The following TNFRSF11A variants were observed in gnomAD, a reference collection of about 807,000 sequenced individuals.
TNFRSF11A encodes tumor necrosis factor receptor superfamily member 11A.
A neutral mutation model predicts 55.7 loss-of-function variants in TNFRSF11A; 32 were observed. That is an observed-to-expected ratio of 0.57 (90% confidence interval 0.43 to 0.77). The LOEUF is 0.77. Ranked by LOEUF, TNFRSF11A falls within the 30% of genes least tolerant of loss-of-function variation. The pLI, the probability that TNFRSF11A is intolerant of heterozygous loss-of-function variation, is 0.00. For synonymous variants in TNFRSF11A, 311 were observed against 331.0 expected (o/e 0.94, Z 0.65); for missense variants, 753 against 809.8 (o/e 0.93, Z 0.85).
intron 1 of TNFRSF11A, among the ~76,000 whole-genome samples, chr18:62,330,492 G>A (rs926736481): frequency 6.6e-6 from 1 of 152,178 alleles, no homozygotes; most frequent in African/African-American, 2.4e-5. Context: ...GGGGTGTGGG[G>A]AGAGAGGAAG....
At chr18:62,348,034 G>C in intron 1 of TNFRSF11A, 134 bp from the exon 2 acceptor site, 1 of 732,348 alleles carries the variant, frequency 1.4e-6, no homozygotes, top group Non-Finnish European at 2.4e-6. Context: ...ACTCCAGCCT[G>C]GGCAACAAGA....
Position 62,362,191 on chromosome 18 carries a change from C to A in TNFRSF11A, c.730+398C>A, listed in dbSNP as rs1321920522. ...GGGGGAATTTCTGACTGGAGTGTTA[C>A]TTTGAAATAAGAACCTTCGGTGGGT... On this transcript the variant is annotated intron_variant, in intron 7 of 9. Coordinates refer to ENST00000586569, the MANE Select transcript of TNFRSF11A (RefSeq NM_003839.4). Among the ~76,000 whole-genome samples, 5 of 151,990 alleles carry A rather than the reference C, an allele frequency of 3.3e-5. No homozygotes were observed. In the East Asian group the frequency reaches 9.6e-4, roughly 29 times the overall value.
At chr18:62,332,543 A>G (rs2046170345) in intron 1 of TNFRSF11A, among the ~76,000 whole-genome samples, 1 of 152,150 alleles carries the variant, frequency 6.6e-6, no homozygotes, top group African/African-American at 2.4e-5. Context: ...CTTCCCTCTA[A>G]CAGACCTAAA....
In TNFRSF11A at chr18:62,385,295, A is replaced by G. The variant is rs1055958669; in HGVS notation, c.*261A>G. 6 of 380,996 alleles carry G rather than the reference A, an allele frequency of 1.6e-5. No individual in the cohort carries two copies. The highest frequency in any genetic ancestry group is 2.3e-5 in the Non-Finnish European group (5 of 217,076). 23.6% of individuals were successfully genotyped at this position (380,996 alleles called of 1,614,324 possible). ...CCCTGCCACTCCTCAAACTCGCAGC[A>G]GTAATTTGTGGCACTATGACAGCTA... On this transcript the variant is annotated 3_prime_UTR_variant, in exon 10 of 10. Coordinates refer to ENST00000586569, the MANE Select transcript of TNFRSF11A (RefSeq NM_003839.4).
intron 1 of TNFRSF11A, among the ~76,000 whole-genome samples, chr18:62,335,200 C>T (rs968831994): frequency 4.6e-5 from 7 of 150,998 alleles, no homozygotes; most frequent in South Asian, 2.1e-4. Flanking sequence ...CCTCGCTTCT[C>T]GGGTTCAAGC....
intron 7 of TNFRSF11A, 91 bp downstream of exon 7, chr18:62,361,884 T>C (rs1909716529): frequency 1.8e-6 from 2 of 1,142,200 alleles, no homozygotes; most frequent in Admixed American, 1.7e-5. Context: ...GTCTACTTGC[T>C]GCCTATGGTG....
intron 9 of TNFRSF11A, among the ~76,000 whole-genome samples, chr18:62,379,337 C>T (rs913245539): frequency 1.3e-5 from 2 of 152,242 alleles, no homozygotes; most frequent in Non-Finnish European, 2.9e-5. Flanking sequence ...CTCTGGAATA[C>T]CCAGACCCTT....
chr18:62,384,655 G>A lies in TNFRSF11A; in HGVS notation c.1568-96G>A, dbSNP rs11878130. On this transcript the variant is annotated intron_variant, in intron 9 of 9. Coordinates refer to ENST00000586569, the MANE Select transcript of TNFRSF11A (RefSeq NM_003839.4). ...GTGGCCCCGGGCTGTGGGAATCCGGGGAGCCGCCCTCCACTCCCCGGAACC... is the reference window on the plus strand; with the variant it reads ...GTGGCCCCGGGCTGTGGGAATCCGGAGAGCCGCCCTCCACTCCCCGGAACC... 0.071 allele frequency: 103,697 copies of A among 1,466,396 alleles called. 5,400 individuals carry two copies. Among genetic ancestry groups the A allele is most frequent in the African/African-American group, 0.26 (18,492 of 71,320 alleles). 90.8% of individuals were successfully genotyped at this position (1,466,396 alleles called of 1,614,324 possible).
chr18:62,325,560 T>A lies in TNFRSF11A; in HGVS notation c.75+133T>A. 2.4e-6 allele frequency: 1 copy of A among 415,320 alleles called. No individual in the cohort carries two copies. Among genetic ancestry groups the A allele is most frequent in the Non-Finnish European group, 3.3e-6 (1 of 302,470 alleles). 25.7% of individuals were successfully genotyped at this position (415,320 alleles called of 1,614,324 possible). A position where few individuals can be genotyped will look rare whatever the true frequency, so the allele number is the denominator to read the frequency against. ...CCGGAGTTTTGGGGAGCGGAGGCCG[T>A]GGGAAGCTGGGGAGGCGCTTCCAGA... On this transcript the variant is annotated intron_variant, in intron 1 of 9. Transcript: ENST00000586569. The surrounding 1 kb of genome is among the most constrained non-coding windows in gnomAD (Gnocchi z 4.7).
chr18:62,376,918 C>CT (rs1213961498), intron 9 of TNFRSF11A, among the ~76,000 whole-genome samples: 2 of 152,102 alleles, frequency 1.3e-5, no homozygotes, highest in South Asian at 4.2e-4. Context: ...TAGCTCTTTT[C>CT]TTTTTTTATT....
chr18:62,345,364 A>G (rs2046368019), intron 1 of TNFRSF11A, among the ~76,000 whole-genome samples: 1 of 152,216 alleles, frequency 6.6e-6, no homozygotes, highest in African/African-American at 2.4e-5. Context: ...TTACTTAAAA[A>G]TATGTACTTA....
chr18:62,385,361 T>C lies in TNFRSF11A; in HGVS notation c.*327T>C. ...TGTTCTGTGGGGGGGGGGGTCTGTTTTCCCCCCATATTTGTATTCCTTTTC... is the reference window on the plus strand; with the variant it reads ...TGTTCTGTGGGGGGGGGGGTCTGTTCTCCCCCCATATTTGTATTCCTTTTC... On this transcript the variant is annotated 3_prime_UTR_variant, in exon 10 of 10. Transcript: ENST00000586569. 4.0e-6 allele frequency: 1 copy of C among 250,820 alleles called. No homozygotes were observed. The allele number at this position is 250,820 out of a possible 1,614,324, so 15.5% of individuals were successfully genotyped here.
chr18:62,349,843 C>A lies in TNFRSF11A; in HGVS notation c.189C>A (p.Thr63=). 6.2e-7 allele frequency: 1 copy of A among 1,614,094 alleles called. No individual in the cohort carries two copies. Among genetic ancestry groups the A allele is most frequent in the South Asian group, 1.1e-5 (1 of 91,082 alleles). The change falls in exon 3 of 10, where the codon ACC becomes ACA. Residue 63 remains threonine (T), a synonymous_variant. Transcript: ENST00000586569. The part of the protein sequence containing the change: ...GKYMSSKCTT[T]SDSVCLPCGP... ...ACATGTCTTCTAAATGCACTACTAC[C>A]TCTGACAGTGTATGTCTGCCCTGTG...
At position 62,325,695 on chromosome 18, in the gene TNFRSF11A, A is replaced by G. The variant is rs1359426566; in HGVS notation, c.75+268A>G. Among the ~76,000 whole-genome samples, 1 of 152,200 alleles carries G rather than the reference A, an allele frequency of 6.6e-6. No homozygotes were observed. The highest frequency in any genetic ancestry group is 1.5e-5 in the Non-Finnish European group (1 of 68,036). ...ACGGGCTCTTCCAAAAGCCCCTCTTAGCCGCAGGCTTTGATGCTGTCATTT... is the reference window on the plus strand; with the variant it reads ...ACGGGCTCTTCCAAAAGCCCCTCTTGGCCGCAGGCTTTGATGCTGTCATTT... On this transcript the variant is annotated intron_variant, in intron 1 of 9. Transcript: ENST00000586569. The surrounding 1 kb of genome is among the most constrained non-coding windows in gnomAD (Gnocchi z 4.7).
Position 62,333,452 on chromosome 18 carries a change from T to C in TNFRSF11A, c.75+8025T>C, listed in dbSNP as rs546047706. 6.5e-4 allele frequency among the ~76,000 whole-genome samples: 99 copies of C among 152,352 alleles called. 1 individual carries two copies. Among genetic ancestry groups the C allele is most frequent in the South Asian group, 5.8e-3 (28 of 4,828 alleles). ...CCATGAAAAGGTTTGCACTCAGCTC[T>C]GACAATATTAGAAGATTAATATATT... On this transcript the variant is annotated intron_variant, in intron 1 of 9. Coordinates refer to ENST00000586569, the MANE Select transcript of TNFRSF11A (RefSeq NM_003839.4).
intron 9 of TNFRSF11A, among the ~76,000 whole-genome samples, chr18:62,375,955 C>T (rs1309527624): frequency 1.3e-5 from 2 of 152,218 alleles, no homozygotes; most frequent in African/African-American, 2.4e-5. Flanking sequence ...AACCTTAAAC[C>T]ACCGCACTGT....
rs114906525 is a variant in TNFRSF11A at position 62,383,344 on chromosome 18, A to G, written c.1568-1407A>G. Among the ~76,000 whole-genome samples the G allele has an allele frequency of 7.8e-3, 1,186 of 152,334 alleles. 11 individuals carry two copies. The highest frequency in any genetic ancestry group is 0.027 in the African/African-American group (1,133 of 41,572). ...GGAAGGCTCCTCAAAGGAATTTCCT[A>G]CATGCGTATCGGTATTTTAGTCAGG... On this transcript the variant is annotated intron_variant, in intron 9 of 9. Transcript: ENST00000586569. The surrounding 1 kb of genome is among the most constrained non-coding windows in gnomAD (Gnocchi z 4.2).
In TNFRSF11A at chr18:62,387,667, A is replaced by G. The variant is rs1229610274; in HGVS notation, c.*2633A>G. ...TACCCAGTGAAAGAGCTGAAATGGA[A>G]ATGGAGTATCATGTTTCCTACTCAC... On this transcript the variant is annotated 3_prime_UTR_variant, in exon 10 of 10. Transcript: ENST00000586569. 6.6e-6 allele frequency: 1 copy of G among 152,226 alleles called. No individual in the cohort carries two copies. Among genetic ancestry groups the G allele is most frequent in the African/African-American group, 2.4e-5 (1 of 41,460 alleles). The allele number at this position is 152,226 out of a possible 1,614,324, so 9.4% of individuals were successfully genotyped here.
In TNFRSF11A at chr18:62,325,959, C is replaced by T. The variant is rs1421372940; in HGVS notation, c.75+532C>T. On this transcript the variant is annotated intron_variant, in intron 1 of 9. Transcript: ENST00000586569. The surrounding 1 kb of genome is among the most constrained non-coding windows in gnomAD (Gnocchi z 4.7). ...CACCCCTGCCAGCTCGCCTGGAGGC[C>T]CCGCACGGCGGGGAGAGACTGCGCG... Among the ~76,000 whole-genome samples, 1 of 152,186 alleles carries T rather than the reference C, an allele frequency of 6.6e-6. No homozygotes were observed. Among genetic ancestry groups the T allele is most frequent in the Non-Finnish European group, 1.5e-5 (1 of 68,022 alleles).
Sources: gnomAD v4.1 joint callset for allele counts (sites outside exome capture counted in the v4.1 genomes callset) on GRCh38, gnomAD v4.1.1 for gene constraint, Gnocchi (gnomAD v3.1) non-coding constraint, MANE v1.5 for transcripts, NCBI Gene and HGNC (gene_info 2026-07-23, HGNC 2026-07-21) for gene names.